Variants in STAC2 observed in about 807,000 individuals in gnomAD.
STAC2 encodes the protein SH3 and cysteine-rich domain-containing protein 2.
A neutral mutation model predicts 49.0 loss-of-function variants in STAC2; 36 were observed. That is an observed-to-expected ratio of 0.74 (90% CI 0.56 to 0.97). The LOEUF is 0.97. Among genes scored for constraint, STAC2 ranks in the 50% least tolerant of loss-of-function variants. STAC2 has a pLI of 0.00. For synonymous variants in STAC2, 239 were observed against 214.7 expected, an observed-to-expected ratio of 1.11 and a Z score of -0.99; for missense variants, 527 against 543.8, an observed-to-expected ratio of 0.97 and a Z score of 0.31.
At position 39,217,162 on chromosome 17, in the gene STAC2, G is replaced by C. The variant is rs1567830837; in HGVS notation, c.409C>G (p.Gln137Glu). The C allele has an allele frequency of 1.9e-6, 3 of 1,613,560 alleles. No individual in the cohort carries two copies. The highest frequency in any genetic ancestry group is 2.5e-6 in the Non-Finnish European group (3 of 1,179,808). Residue 137 changes from glutamine (Q) to glutamate (E), a missense_variant, in exon 3 of 11, where the codon CAG becomes GAG. By Grantham distance (29) the Gln-to-Glu change is conservative. Coordinates refer to ENST00000333461, the MANE Select transcript of STAC2 (RefSeq NM_198993.5). ...CHQLIVGNSKQGLRCKMCKVS... is the reference protein window; with the variant it reads ...CHQLIVGNSKEGLRCKMCKVS... ...TTGCACATCTTACATCGCAAGCCCT[G>C]TTTGGAGTTTCCTAGGAAGAATTTG...
At chr17:39,218,263 G>GGCAGCAGCA (rs553618301) in intron 1 of STAC2, 90 bp from the exon 2 acceptor site, 16 of 1,350,392 alleles carry the variant, frequency 1.2e-5, no homozygotes, top group East Asian at 4.6e-5. Flanking sequence ...CGGTAGGGGC[G>GGCAGCAGCA]GCAGCAGCAG....
chr17:39,214,769 G>A (rs1597731707), intron 7 of STAC2, 22 bp downstream of exon 7: 5 of 1,612,698 alleles, frequency 3.1e-6, no homozygotes, highest in Middle Eastern at 1.7e-4. Context: ...GACCTTCCGG[G>A]CCAATGCCAG....
intron 1 of STAC2, among the ~76,000 whole-genome samples, chr17:39,224,294 G>T (rs1451762836): frequency 6.6e-6 from 1 of 152,228 alleles, no homozygotes; most frequent in Non-Finnish European, 1.5e-5. Flanking sequence ...TGGAGAACAG[G>T]AGCAGGATGG....
At chr17:39,218,315 A>T (rs1355785436) in intron 1 of STAC2, 142 bp from the exon 2 acceptor site, 1 of 833,162 alleles carries the variant, frequency 1.2e-6, no homozygotes, top group Non-Finnish European at 1.9e-6. Flanking sequence ...AGCGAAATGA[A>T]ACAGCAACAG....
At position 39,211,458 on chromosome 17, in the gene STAC2, G is replaced by T. The variant is rs951527707; in HGVS notation, c.*834C>A. ...CCCCCATCATGCCTGGCTAAGTTTCGTACTTTTAGTAGAGACGGGGTTTCA... is the reference window on the plus strand; with the variant it reads ...CCCCCATCATGCCTGGCTAAGTTTCTTACTTTTAGTAGAGACGGGGTTTCA... On this transcript the variant is annotated 3_prime_UTR_variant, in exon 11 of 11. Transcript: ENST00000333461. 16 of 151,996 alleles carry T rather than the reference G, an allele frequency of 1.1e-4. No homozygotes were observed. The highest frequency in any genetic ancestry group is 3.9e-4 in the African/African-American group (16 of 41,324). 9.4% of individuals were successfully genotyped at this position (151,996 alleles called of 1,614,324 possible).
chr17:39,221,577 A>G (rs1339378588), intron 1 of STAC2, among the ~76,000 whole-genome samples: 1 of 152,224 alleles, frequency 6.6e-6, no homozygotes, highest in African/African-American at 2.4e-5. Context: ...CACTTTTCAG[A>G]TGAGGAACTG....
chr17:39,215,249 C>T lies in STAC2; in HGVS notation c.587-19G>A. The T allele has an allele frequency of 6.2e-7, 1 of 1,613,078 alleles. No individual in the cohort carries two copies. The highest frequency in any genetic ancestry group is 8.5e-7 in the Non-Finnish European group (1 of 1,179,250). On this transcript the variant is annotated intron_variant, in intron 4 of 10. Coordinates refer to ENST00000333461, the MANE Select transcript of STAC2 (RefSeq NM_198993.5). ...CTGTCCCCTGCAGATTATCCACCCT[C>T]AAGGCCTGGCTCTGCCTCAAAGCCC...
At chr17:39,218,218 T>A in intron 1 of STAC2, 45 bp from the exon 2 acceptor site, 1 of 1,606,822 alleles carries the variant, frequency 6.2e-7, no homozygotes, top group Non-Finnish European at 8.5e-7. Flanking sequence ...TAGAGGGGGC[T>A]GGCCAGGGCG....
chr17:39,221,157 AC>A (rs1311249127), intron 1 of STAC2, among the ~76,000 whole-genome samples: 3 of 150,058 alleles, frequency 2.0e-5, no homozygotes, highest in African/African-American at 7.4e-5. Flanking sequence ...GTGCAGTGGC[AC>A]GGTCTCAGCT....
chr17:39,217,206 AC>A, intron 2 of STAC2, 33 bp from the exon 3 acceptor site: 3 of 1,602,332 alleles, frequency 1.9e-6, no homozygotes, highest in East Asian at 2.2e-5. Context: ...AATTGAGGAC[AC>A]CCCCGTGGGC....
At chr17:39,221,107 T>A (rs1437366150) in intron 1 of STAC2, among the ~76,000 whole-genome samples, 1 of 149,268 alleles carries the variant, frequency 6.7e-6, no homozygotes, top group Non-Finnish European at 1.5e-5. Context: ...CTTGTTTTTA[T>A]TTTTTTGAGA....
In STAC2 at chr17:39,213,577, G is replaced by T. The variant is rs2046373933; in HGVS notation, c.942-19C>A. 1.2e-6 allele frequency: 2 copies of T among 1,613,398 alleles called. No individual in the cohort carries two copies. Among genetic ancestry groups the T allele is most frequent in the African/African-American group, 2.7e-5 (2 of 75,010 alleles). ...TCCAGGCCTGGGGAGGACAGAGCTA[G>T]GGTTGCATATGGAGCAGGGAGTAGT... On this transcript the variant is annotated intron_variant, in intron 8 of 10. Coordinates refer to ENST00000333461, the MANE Select transcript of STAC2 (RefSeq NM_198993.5).
intron 1 of STAC2, among the ~76,000 whole-genome samples, chr17:39,219,115 C>T (rs939182826): frequency 1.3e-5 from 2 of 152,128 alleles, no homozygotes; most frequent in African/African-American, 4.8e-5. Context: ...GATGCCTGAT[C>T]CTGCTAAAAA....
chr17:39,223,379 T>C (rs1200516412), intron 1 of STAC2, among the ~76,000 whole-genome samples: 1 of 152,182 alleles, frequency 6.6e-6, no homozygotes, highest in African/African-American at 2.4e-5. Flanking sequence ...CCAGTCTGTG[T>C]TAGTGCAGAA....
intron 9 of STAC2, 71 bp from the exon 10 acceptor site, chr17:39,213,203 A>C (rs2046370768): frequency 1.9e-6 from 3 of 1,582,500 alleles, no homozygotes; most frequent in Non-Finnish European, 2.6e-6. Flanking sequence ...CTTTCTCCAG[A>C]CCCGGTTCCC....
intron 4 of STAC2, among the ~76,000 whole-genome samples, chr17:39,215,789 C>T (rs992886797): frequency 4.6e-5 from 7 of 152,152 alleles, no homozygotes; most frequent in African/African-American, 1.4e-4. Flanking sequence ...CTGCAACCTC[C>T]GCCTCCTGGG....
intron 10 of STAC2, 93 bp from the exon 11 acceptor site, chr17:39,212,489 G>T: frequency 1.1e-6 from 1 of 907,614 alleles, no homozygotes. Flanking sequence ...CACCCTGGGG[G>T]ATGATGGGAC....
In STAC2 at chr17:39,218,188, G is replaced by T; in HGVS notation, c.91-15C>A. 1 of 1,613,126 alleles carries T rather than the reference G, an allele frequency of 6.2e-7. No homozygotes were observed. Among genetic ancestry groups the T allele is most frequent in the Non-Finnish European group, 8.5e-7 (1 of 1,179,970 alleles). Reference sequence around the variant, plus strand: ...AATCGCTGGAGCTGGGAGAAAAAGAGGGAGCTGTGAGTGGGAGCCTAGAGG... The same window carrying T: ...AATCGCTGGAGCTGGGAGAAAAAGATGGAGCTGTGAGTGGGAGCCTAGAGG... On this transcript the variant is annotated splice_polypyrimidine_tract_variant and intron_variant, in intron 1 of 10. Coordinates refer to ENST00000333461, the MANE Select transcript of STAC2 (RefSeq NM_198993.5).
rs2046507482 is a variant in STAC2 at position 39,225,694 on chromosome 17, G to A, written c.-192C>T. The A allele has an allele frequency of 3.2e-6, 2 of 622,974 alleles. No homozygotes were observed. Among genetic ancestry groups the A allele is most frequent in the Non-Finnish European group, 5.7e-6 (2 of 353,116 alleles). 38.6% of individuals were successfully genotyped at this position (622,974 alleles called of 1,614,324 possible). A position where few individuals can be genotyped will look rare whatever the true frequency, so the allele number is the denominator to read the frequency against. On this transcript the variant is annotated 5_prime_UTR_variant, in exon 1 of 11. Transcript: ENST00000333461. The surrounding 1 kb of genome is among the most constrained non-coding windows in gnomAD (Gnocchi z 8.2). ...TTGCCGGGGTGGCGGGCGAGGGGAG[G>A]CCACCACGCTGAGCCGCAGGAGCGG...
Sources: gnomAD v4.1 joint callset for allele counts (sites outside exome capture counted in the v4.1 genomes callset) on GRCh38, gnomAD v4.1.1 for gene constraint, Gnocchi (gnomAD v3.1) non-coding constraint, MANE v1.5 for transcripts, NCBI Gene and HGNC (gene_info 2026-07-23, HGNC 2026-07-21) for gene names.